MYRIP: variants seen among roughly 807,000 people sequenced by gnomAD.
The protein encoded by MYRIP is myosin VIIA and Rab interacting protein.
A neutral mutation model predicts 98.0 loss-of-function variants in MYRIP; 49 were observed. That is an observed-to-expected ratio of 0.50 (90% CI 0.40 to 0.63). The LOEUF (loss-of-function observed/expected upper bound fraction) is 0.63, where lower values mean the gene tolerates loss of function less well. MYRIP is among the 30% of genes least tolerant of loss of function. MYRIP has a pLI of 0.00. For synonymous variants in MYRIP, 404 were observed against 409.5 expected, an observed-to-expected ratio of 0.99 and a Z score of 0.16; for missense variants, 1,004 against 1,058.2, an observed-to-expected ratio of 0.95 and a Z score of 0.71.
chr3:39,972,899 G>T (rs1585287), intron 2 of MYRIP, among the ~76,000 whole-genome samples: 1 of 151,568 alleles, frequency 6.6e-6, no homozygotes, highest in Non-Finnish European at 1.5e-5. Flanking sequence ...TCTCGGTGCA[G>T]CTGATGAGTA....
At chr3:39,887,599 T>C (rs1355662532) in intron 1 of MYRIP, among the ~76,000 whole-genome samples, 1 of 152,152 alleles carries the variant, frequency 6.6e-6, no homozygotes, top group South Asian at 2.1e-4. Context: ...CTGGAAGCAT[T>C]CCCTTTGAAA....
At chr3:40,009,482 C>T (rs866696383) in intron 2 of MYRIP, among the ~76,000 whole-genome samples, 3 of 152,026 alleles carry the variant, frequency 2.0e-5, no homozygotes, top group Non-Finnish European at 4.4e-5. Context: ...ATGATCCGCC[C>T]GCCTCGGCCT....
chr3:39,814,553 A>G (rs1940814280), intron 1 of MYRIP, among the ~76,000 whole-genome samples: 1 of 152,112 alleles, frequency 6.6e-6, no homozygotes, highest in Admixed American at 6.5e-5. Flanking sequence ...TTTAATGAAT[A>G]GTTTACTATT....
At chr3:40,191,242 A>C (rs1199769112) in intron 10 of MYRIP, among the ~76,000 whole-genome samples, 1 of 152,112 alleles carries the variant, frequency 6.6e-6, no homozygotes, top group Non-Finnish European at 1.5e-5. Flanking sequence ...ACATACTCAC[A>C]ATTTTGCTTT....
intron 3 of MYRIP, among the ~76,000 whole-genome samples, chr3:40,069,314 T>C (rs1299702270): frequency 6.6e-6 from 1 of 152,174 alleles, no homozygotes; most frequent in Non-Finnish European, 1.5e-5. Context: ...TCAGGTACTT[T>C]TCATGTGCTT....
At chr3:39,985,926 A>G (rs887855151) in intron 2 of MYRIP, among the ~76,000 whole-genome samples, 4 of 151,890 alleles carry the variant, frequency 2.6e-5, no homozygotes, top group Non-Finnish European at 4.4e-5. Flanking sequence ...AAACACCAAA[A>G]GCAATGGCAA....
intron 2 of MYRIP, among the ~76,000 whole-genome samples, chr3:40,025,634 G>A (rs140594096): frequency 0.016 from 2,427 of 152,058 alleles, 28 homozygotes; most frequent in Non-Finnish European, 0.019. Flanking sequence ...CCTAAGTGTC[G>A]GCTGGTCTGA....
chr3:39,886,194 A>C (rs1943297376), intron 1 of MYRIP, among the ~76,000 whole-genome samples: 1 of 152,040 alleles, frequency 6.6e-6, no homozygotes, highest in South Asian at 2.1e-4. Flanking sequence ...GGAAGCACTA[A>C]ACATGGAAAG....
intron 2 of MYRIP, among the ~76,000 whole-genome samples, chr3:39,983,838 A>G (rs1945953814): frequency 1.3e-5 from 2 of 152,308 alleles, no homozygotes; most frequent in East Asian, 3.9e-4. Context: ...TATAAACACC[A>G]CATGATAAAT....
At chr3:39,913,809 C>T (rs7615122) in intron 2 of MYRIP, among the ~76,000 whole-genome samples, 67,110 of 152,000 alleles carry the variant, frequency 0.44, 15,070 homozygotes, top group East Asian at 0.54. Flanking sequence ...ACAATAACTG[C>T]TACTGCTCTA....
At chr3:40,235,346 A>G (rs1388314674) in intron 12 of MYRIP, among the ~76,000 whole-genome samples, 1 of 152,080 alleles carries the variant, frequency 6.6e-6, no homozygotes, top group Non-Finnish European at 1.5e-5. Flanking sequence ...AACATTTAGC[A>G]TAATGCTTGA....
At chr3:40,135,513 A>C (rs1485372248) in intron 3 of MYRIP, among the ~76,000 whole-genome samples, 1 of 152,190 alleles carries the variant, frequency 6.6e-6, no homozygotes, top group Non-Finnish European at 1.5e-5. Flanking sequence ...CCAACATTCA[A>C]ATTCAGGAAA....
At chr3:40,061,509 T>C (rs1350266433) in intron 3 of MYRIP, among the ~76,000 whole-genome samples, 4 of 152,246 alleles carry the variant, frequency 2.6e-5, no homozygotes, top group Non-Finnish European at 5.9e-5. Context: ...GTTGATTGCA[T>C]GTCTTTGCTA....
chr3:40,146,550 C>A (rs957043745), intron 3 of MYRIP, among the ~76,000 whole-genome samples: 4 of 152,210 alleles, frequency 2.6e-5, no homozygotes, highest in African/African-American at 7.2e-5. Context: ...TGCCCCACAG[C>A]CCCTGTCTGC....
chr3:39,952,590 T>C (rs1945050510), intron 2 of MYRIP, among the ~76,000 whole-genome samples: 1 of 152,180 alleles, frequency 6.6e-6, no homozygotes, highest in South Asian at 2.1e-4. Flanking sequence ...TTCCTGATGG[T>C]CTATAATTTT....
At chr3:40,187,688 G>A (rs1039556792) in intron 9 of MYRIP, among the ~76,000 whole-genome samples, 1 of 152,198 alleles carries the variant, frequency 6.6e-6, no homozygotes, top group Non-Finnish European at 1.5e-5. Flanking sequence ...TTCTTGTAAG[G>A]ATAAAGAGAT....
chr3:39,811,927 T>C (rs1341360554), intron 1 of MYRIP, among the ~76,000 whole-genome samples: 1 of 152,212 alleles, frequency 6.6e-6, no homozygotes, highest in Non-Finnish European at 1.5e-5. Context: ...GGATTCCCGA[T>C]GGCTGAAAAA....
chr3:40,157,998 A>C (rs1405049374), intron 4 of MYRIP, among the ~76,000 whole-genome samples: 2 of 151,840 alleles, frequency 1.3e-5, no homozygotes, highest in Admixed American at 1.3e-4. Flanking sequence ...TATTTCCTTC[A>C]GTTCTGCTCT....
chr3:40,001,587 C>T (rs1399934149), intron 2 of MYRIP, among the ~76,000 whole-genome samples: 1 of 152,210 alleles, frequency 6.6e-6, no homozygotes, highest in Non-Finnish European at 1.5e-5. Flanking sequence ...TTCCATCAGT[C>T]AGTCAGTCAA....
Sources: gnomAD v4.1 joint callset for allele counts (sites outside exome capture counted in the v4.1 genomes callset) on GRCh38, gnomAD v4.1.1 for gene constraint, MANE v1.5 for transcripts, NCBI Gene and HGNC (gene_info 2026-07-23, HGNC 2026-07-21) for gene names.